PPP2R1B: variants seen among roughly 807,000 people sequenced by gnomAD.
The protein encoded by PPP2R1B is serine/threonine-protein phosphatase 2A 65 kDa regulatory subunit A beta isoform.
PPP2R1B carries 58 observed loss-of-function variants against 72.7 expected under a neutral mutation model. The ratio of observed to expected loss-of-function variants is 0.80; its 90% CI spans 0.65 to 0.99. The LOEUF (loss-of-function observed/expected upper bound fraction) is 0.99. Ranked by LOEUF, PPP2R1B falls within the 50% of genes least tolerant of loss-of-function variation. The pLI is 0.00. For synonymous variants in PPP2R1B, 256 were observed against 264.6 expected (o/e 0.97, Z 0.32); for missense variants, 695 against 733.6 (o/e 0.95, Z 0.61).
downstream of PPP2R1B, among the ~76,000 whole-genome samples, chr11:111,733,385 A>G (rs1944251844): frequency 6.6e-6 from 1 of 152,116 alleles, no homozygotes; most frequent in South Asian, 2.1e-4. Context: ...CCTGGAGCCG[A>G]GCCCCCAAAA....
At chr11:111,692,388 A>AAAAAAAAAAAAAAAAAAC in the PPP2R1B span, among the ~76,000 whole-genome samples, 1 of 110,916 alleles carries the variant, frequency 9.0e-6, no homozygotes. Flanking sequence ...AAAAAAAAAA[A>AAAAAAAAAAAAAAAAAAC]CACAAAAAGG....
intron 10 of PPP2R1B, among the ~76,000 whole-genome samples, chr11:111,750,296 A>C (rs1944854952): frequency 6.6e-6 from 1 of 152,238 alleles, no homozygotes; most frequent in African/African-American, 2.4e-5. Context: ...AGGAAGGGGA[A>C]ACAAACTGTA....
chr11:111,692,349 T>C, the PPP2R1B span, among the ~76,000 whole-genome samples: 1 of 31,312 alleles, frequency 3.2e-5, no homozygotes, highest in African/African-American at 1.5e-4. Flanking sequence ...AGACTCAGTC[T>C]CAAAAAAAAA....
chr11:111,712,230 C>T, the PPP2R1B span: 1 of 1,614,232 alleles, frequency 6.2e-7, no homozygotes, highest in East Asian at 2.2e-5. Context: ...GTGGGGCTCC[C>T]AGTGACCATG....
chr11:111,727,274 C>CA, intron 15 of PPP2R1B: 1 of 588,974 alleles, frequency 1.7e-6, no homozygotes, highest in East Asian at 2.8e-5. Context: ...GGATGGGGCT[C>CA]AGGGGCTGTT....
chr11:111,760,981 T>C lies in PPP2R1B; in HGVS notation c.377A>G (p.Gln126Arg), dbSNP rs782309870. ...AACAGGAGTATGCTCCTGGGAGATCTGTCTCAGGGACTCCACAGCCTTGTC... is the reference window on the plus strand; with the variant it reads ...AACAGGAGTATGCTCCTGGGAGATCCGTCTCAGGGACTCCACAGCCTTGTC... ...VRDKAVESLR[Q>R]ISQEHTPVAL... The change falls in exon 4 of 15, where the codon CAG becomes CGG. Residue 126 changes from glutamine (Q) to arginine (R), a missense_variant. Coordinates refer to ENST00000527614, the MANE Select transcript of PPP2R1B (RefSeq NM_002716.5). 8 of 1,614,130 alleles carry C rather than the reference T, an allele frequency of 5.0e-6. 1 individual carries two copies. The highest frequency in any genetic ancestry group is 6.8e-6 in the Non-Finnish European group (8 of 1,180,050).
Position 111,739,907 on chromosome 11 carries a change from G to C in PPP2R1B, c.*1689C>G. 1 of 981,580 alleles carries C rather than the reference G, an allele frequency of 1.0e-6. No homozygotes were observed. The highest frequency in any genetic ancestry group is 1.2e-6 in the Non-Finnish European group (1 of 826,486). The allele number at this position is 981,580 out of a possible 1,614,324, so 60.8% of individuals were successfully genotyped here. A position where few individuals can be genotyped will look rare whatever the true frequency, so the allele number is the denominator to read the frequency against. Reference sequence around the variant, plus strand: ...ATAGAAACTTACTATAAGGTAATTTGGCAGTTTAAAATGCAGACAGATAAC... The same window carrying C: ...ATAGAAACTTACTATAAGGTAATTTCGCAGTTTAAAATGCAGACAGATAAC... On this transcript the variant is annotated 3_prime_UTR_variant, in exon 15 of 15. Coordinates refer to ENST00000527614, the MANE Select transcript of PPP2R1B (RefSeq NM_002716.5).
At chr11:111,758,777 G>A (rs1475217683) in intron 5 of PPP2R1B, among the ~76,000 whole-genome samples, 1 of 152,092 alleles carries the variant, frequency 6.6e-6, no homozygotes, top group African/African-American at 2.4e-5. Flanking sequence ...TCCTATCATA[G>A]GTGATCGTTA....
chr11:111,720,883 T>G, the PPP2R1B span: 1 of 1,612,448 alleles, frequency 6.2e-7, no homozygotes, highest in Non-Finnish European at 8.5e-7. Context: ...TGTTTGGTCT[T>G]GGTGCTTTCT....
the PPP2R1B span, among the ~76,000 whole-genome samples, chr11:111,689,396 G>A: frequency 2.0e-5 from 3 of 152,154 alleles, no homozygotes; most frequent in Non-Finnish European, 2.9e-5. Context: ...TGTGGGTGAG[G>A]TGGAAGACAG....
the PPP2R1B span, chr11:111,712,377 T>C: frequency 6.2e-7 from 1 of 1,612,478 alleles, no homozygotes; most frequent in Non-Finnish European, 8.5e-7. Flanking sequence ...ACTCCAAAGG[T>C]ACGGCTATGT....
rs183481741 is a variant in PPP2R1B, at chr11:111,728,369, A to T, written c.1912-1312T>A. ...AGTGGCGTGATTTCAGCTCACTGCA[A>T]CCTCCACCTCCTGGGTTCAAGCCAT... On this transcript the variant is annotated intron_variant, in intron 15 of 15. Coordinates refer to the PPP2R1B transcript ENST00000311129. 1,110 of 151,738 alleles carry T rather than the reference A, an allele frequency of 7.3e-3. 7 individuals carry two copies. Among genetic ancestry groups the T allele is most frequent in the Middle Eastern group, 0.054 (16 of 296 alleles). The allele number at this position is 151,738 out of a possible 1,614,324, so 9.4% of individuals were successfully genotyped here. A position where few individuals can be genotyped will look rare whatever the true frequency, so the allele number is the denominator to read the frequency against.
intron 3 of PPP2R1B, among the ~76,000 whole-genome samples, chr11:111,763,553 T>C (rs1257998161): frequency 6.6e-6 from 1 of 152,172 alleles, no homozygotes; most frequent in African/African-American, 2.4e-5. Flanking sequence ...TGGACTAGGC[T>C]GGTAATAGGA....
At chr11:111,747,255 G>A (rs549418212) in intron 11 of PPP2R1B, among the ~76,000 whole-genome samples, 25 of 152,096 alleles carry the variant, frequency 1.6e-4, no homozygotes, top group African/African-American at 3.1e-4. Flanking sequence ...TGGCAGAGAC[G>A]GTACATCTGT....
At chr11:111,704,072 C>T in the PPP2R1B span, among the ~76,000 whole-genome samples, 20 of 152,302 alleles carry the variant, frequency 1.3e-4, no homozygotes, top group East Asian at 3.7e-3. Context: ...TATCAAATGC[C>T]GCCTTGTTTG....
rs1555051299 is a variant in PPP2R1B at position 111,761,118 on chromosome 11, C to T, written c.307-67G>A. ...GAATCAGGTTAGAAACAGATAATCA[C>T]CTTTTAAAGTGACTGAAGGGAGGTG... is the stretch of plus-strand genomic sequence containing the variant. On this transcript the variant is annotated intron_variant, in intron 3 of 14. Transcript: ENST00000527614. 1.3e-5 allele frequency: 18 copies of T among 1,338,134 alleles called. No individual in the cohort carries two copies. In the East Asian group the frequency reaches 4.3e-4, roughly 32 times the overall value. The allele number at this position is 1,338,134 out of a possible 1,614,324, so 82.9% of individuals were successfully genotyped here. A position where few individuals can be genotyped will look rare whatever the true frequency, so the allele number is the denominator to read the frequency against.
At chr11:111,758,015 T>A (rs1945187408) in intron 5 of PPP2R1B, among the ~76,000 whole-genome samples, 1 of 152,158 alleles carries the variant, frequency 6.6e-6, no homozygotes, top group Admixed American at 6.5e-5. Context: ...AATACTAACC[T>A]ATTGATCCCA....
the PPP2R1B span, among the ~76,000 whole-genome samples, chr11:111,710,805 C>G: frequency 6.6e-6 from 1 of 152,242 alleles, no homozygotes. Context: ...AGCCAGGAAT[C>G]AAACTCAGGT....
downstream of PPP2R1B, chr11:111,724,681 A>G (rs1943914276): frequency 1.3e-5 from 2 of 156,344 alleles, no homozygotes; most frequent in African/African-American, 2.4e-5. Flanking sequence ...GTTGTCCCCC[A>G]AGGCCATCAC....
Sources: gnomAD v4.1 joint callset for allele counts (sites outside exome capture counted in the v4.1 genomes callset) on GRCh38, gnomAD v4.1.1 for gene constraint, MANE v1.5 for transcripts, NCBI Gene and HGNC (gene_info 2026-07-23, HGNC 2026-07-21) for gene names.